Variants in RSPO3 observed in about 807,000 individuals in gnomAD.
The protein encoded by RSPO3 is R-spondin 3.
Under a neutral mutation model 36.5 loss-of-function variants are expected in RSPO3, and 17 were observed. That is an observed-to-expected ratio of 0.47 (90% CI 0.32 to 0.70). RSPO3 has a LOEUF of 0.70. RSPO3 is among the 30% of genes least tolerant of loss of function. RSPO3 has a pLI of 0.04. For missense variants in RSPO3, 294 were observed against 322.5 expected (o/e 0.91, Z 0.68); for synonymous variants, 108 against 107.0 (o/e 1.01, Z -0.06).
At chr6:127,175,712 C>T (rs1264606062) in intron 4 of RSPO3, among the ~76,000 whole-genome samples, 1 of 151,624 alleles carries the variant, frequency 6.6e-6, no homozygotes, top group Non-Finnish European at 1.5e-5. Context: ...AATTGATGGC[C>T]TTAAACTGAT....
At chr6:127,163,444 G>C (rs1180676258) in intron 4 of RSPO3, among the ~76,000 whole-genome samples, 3 of 152,090 alleles carry the variant, frequency 2.0e-5, no homozygotes, top group African/African-American at 7.2e-5. Flanking sequence ...CTGCAGAAAG[G>C]AGTTGATGCC....
chr6:127,126,816 A>C (rs1471597666), intron 1 of RSPO3, among the ~76,000 whole-genome samples: 1 of 152,068 alleles, frequency 6.6e-6, no homozygotes, highest in Non-Finnish European at 1.5e-5. Flanking sequence ...GATCACTTCT[A>C]CAACATCCCC....
At chr6:127,120,671 A>G (rs1379525563) in intron 1 of RSPO3, among the ~76,000 whole-genome samples, 1 of 152,166 alleles carries the variant, frequency 6.6e-6, no homozygotes, top group Non-Finnish European at 1.5e-5. Context: ...CTCCCTTTGT[A>G]TTGCTGGCCT....
intron 4 of RSPO3, among the ~76,000 whole-genome samples, chr6:127,186,519 G>T (rs933264712): frequency 6.6e-6 from 1 of 152,074 alleles, no homozygotes; most frequent in Non-Finnish European, 1.5e-5. Context: ...GTTCTTTACT[G>T]TGTTACTGGA....
intron 4 of RSPO3, among the ~76,000 whole-genome samples, chr6:127,177,097 G>A (rs939839336): frequency 6.6e-6 from 1 of 151,846 alleles, no homozygotes; most frequent in African/African-American, 2.4e-5. Flanking sequence ...GATGGCCCAT[G>A]AAAGAGACTG....
chr6:127,166,362 T>C (rs1168616195), intron 4 of RSPO3, among the ~76,000 whole-genome samples: 1 of 152,050 alleles, frequency 6.6e-6, no homozygotes, highest in African/African-American at 2.4e-5. Flanking sequence ...TGTTAATGAA[T>C]TGATACATTG....
chr6:127,136,818 G>T (rs544624611), intron 1 of RSPO3, among the ~76,000 whole-genome samples: 1 of 152,040 alleles, frequency 6.6e-6, no homozygotes, highest in African/African-American at 2.4e-5. Flanking sequence ...AATTCCTTTG[G>T]ATTTGACAAG....
chr6:127,124,221 T>C (rs1213919348), intron 1 of RSPO3, among the ~76,000 whole-genome samples: 1 of 152,086 alleles, frequency 6.6e-6, no homozygotes, highest in Non-Finnish European at 1.5e-5. Context: ...TTTGTCTCCA[T>C]CCCAATGTTT....
chr6:127,186,069 A>G (rs991870384), intron 4 of RSPO3, among the ~76,000 whole-genome samples: 2 of 152,156 alleles, frequency 1.3e-5, no homozygotes, highest in African/African-American at 4.8e-5. Context: ...AATTCGTTCA[A>G]TTCTTTAATT....
chr6:127,187,221 GA>G (rs1192916457), intron 4 of RSPO3, among the ~76,000 whole-genome samples: 1 of 152,094 alleles, frequency 6.6e-6, no homozygotes, highest in African/African-American at 2.4e-5. Flanking sequence ...GGTCCAAATT[GA>G]AAATTTGGGA....
At chr6:127,152,243 T>C (rs1031553703) in intron 3 of RSPO3, among the ~76,000 whole-genome samples, 35 of 152,268 alleles carry the variant, frequency 2.3e-4, no homozygotes, top group African/African-American at 8.4e-4. Context: ...TGAGTTTGGT[T>C]CATTTAACAG....
At chr6:127,121,655 G>C (rs1197418295) in intron 1 of RSPO3, among the ~76,000 whole-genome samples, 1 of 152,192 alleles carries the variant, frequency 6.6e-6, no homozygotes, top group Non-Finnish European at 1.5e-5. Context: ...GTGGAGGGTA[G>C]AGAGGTCCTC....
chr6:127,144,261 A>G (rs765517495), intron 1 of RSPO3, among the ~76,000 whole-genome samples: 4 of 152,164 alleles, frequency 2.6e-5, no homozygotes, highest in Non-Finnish European at 5.9e-5. Flanking sequence ...TAAAGTTTCC[A>G]TGAATTCTGC....
intron 2 of RSPO3, among the ~76,000 whole-genome samples, chr6:127,149,971 T>C (rs1356895040): frequency 6.6e-6 from 1 of 152,004 alleles, no homozygotes; most frequent in Non-Finnish European, 1.5e-5. Flanking sequence ...CTTACCCCTC[T>C]TGTGCATTGC....
At chr6:127,123,676 A>G (rs752663408) in intron 1 of RSPO3, among the ~76,000 whole-genome samples, 35 of 152,230 alleles carry the variant, frequency 2.3e-4, no homozygotes, top group Non-Finnish European at 4.0e-4. Flanking sequence ...AAGTTACTCA[A>G]GTAATGAGAA....
chr6:127,181,444 G>A (rs1474265430), intron 4 of RSPO3, among the ~76,000 whole-genome samples: 2 of 151,842 alleles, frequency 1.3e-5, no homozygotes, highest in Non-Finnish European at 2.9e-5. Context: ...CCTGAAAAGA[G>A]TTGCTAATTT....
In RSPO3 at chr6:127,144,643, GT is replaced by G. The variant is rs56388820; in HGVS notation, c.98-3992del. ...TGTAATTTTTCAGTAGCTTCCCCTTGTTTTTTTTTTTTTCAGACAGAGTCTC... is the reference window on the plus strand; with the variant it reads ...TGTAATTTTTCAGTAGCTTCCCCTTGTTTTTTTTTTTTCAGACAGAGTCTC... On this transcript the variant is annotated intron_variant, in intron 1 of 4. Transcript: ENST00000356698. 2.1e-4 allele frequency among the ~76,000 whole-genome samples: 21 copies of G among 99,104 alleles called. 1 individual carries two copies. Among genetic ancestry groups the G allele is most frequent in the East Asian group, 6.8e-4 (2 of 2,946 alleles). 65.0% of individuals were successfully genotyped at this position (99,104 alleles called of 152,430 possible).
intron 4 of RSPO3, among the ~76,000 whole-genome samples, chr6:127,169,521 CT>C (rs1416336510): frequency 6.6e-6 from 1 of 151,828 alleles, no homozygotes; most frequent in Non-Finnish European, 1.5e-5. Context: ...AGATTTCTTC[CT>C]CTTATGTAGG....
intron 1 of RSPO3, among the ~76,000 whole-genome samples, chr6:127,130,412 G>A (rs1442445857): frequency 6.6e-6 from 1 of 152,090 alleles, no homozygotes; most frequent in African/African-American, 2.4e-5. Flanking sequence ...ATATGTGGAT[G>A]AGTGATATTG....
Sources: allele counts gnomAD v4.1 joint callset (sites outside exome capture counted in the v4.1 genomes callset), GRCh38; gene constraint gnomAD v4.1.1; transcripts MANE v1.5; gene names NCBI Gene and HGNC (gene_info 2026-07-23, HGNC 2026-07-21).